ARHGAP15: variants seen among roughly 807,000 people sequenced by gnomAD.
The protein encoded by ARHGAP15 is rho GTPase-activating protein 15.
Under a neutral mutation model 63.7 loss-of-function variants are expected in ARHGAP15, and 51 were observed. That is an observed-to-expected ratio of 0.80 (90% confidence interval 0.64 to 1.01). ARHGAP15 has a LOEUF of 1.01. ARHGAP15 is among the 50% of genes least tolerant of loss of function. The probability of loss-of-function intolerance (pLI) is 0.00; values close to 1 mark genes in which losing one functional copy is unlikely to be tolerated. For missense variants in ARHGAP15, 560 were observed against 564.6 expected (o/e 0.99, Z 0.08); for synonymous variants, 191 against 193.8 (o/e 0.99, Z 0.12).
At chr2:143,601,204 T>G (rs985820440) in intron 11 of ARHGAP15, among the ~76,000 whole-genome samples, 1 of 152,096 alleles carries the variant, frequency 6.6e-6, no homozygotes, top group Non-Finnish European at 1.5e-5. Flanking sequence ...TCTTCATACT[T>G]TTTTTTACAA....
chr2:143,714,048 G>A lies in ARHGAP15; in HGVS notation c.1244+10524G>A, dbSNP rs376764928. Among the ~76,000 whole-genome samples, 5 of 152,332 alleles carry A rather than the reference G, an allele frequency of 3.3e-5. No individual in the cohort carries two copies. The East Asian group carries it at 5.8e-4, about 18-fold the overall frequency. On this transcript the variant is annotated intron_variant, in intron 13 of 13. Coordinates refer to ENST00000295095, the MANE Select transcript of ARHGAP15 (RefSeq NM_018460.4). Reference sequence around the variant, plus strand: ...CAGTGCCCCAGAAGGGACTCTGTGTGGGGACTCTGACCCCACATTTCCCTT... The same window carrying A: ...CAGTGCCCCAGAAGGGACTCTGTGTAGGGACTCTGACCCCACATTTCCCTT...
intron 10 of ARHGAP15, among the ~76,000 whole-genome samples, chr2:143,546,983 C>A (rs186902580): frequency 6.6e-6 from 1 of 152,194 alleles, no homozygotes; most frequent in South Asian, 2.1e-4. Flanking sequence ...GTTTCCCAAT[C>A]TCCAGAAATC....
chr2:143,367,552 G>T (rs754049535), intron 6 of ARHGAP15, among the ~76,000 whole-genome samples: 1 of 151,844 alleles, frequency 6.6e-6, no homozygotes, highest in East Asian at 1.9e-4. Context: ...TAACTAAATG[G>T]CATTCATTGC....
intron 9 of ARHGAP15, among the ~76,000 whole-genome samples, chr2:143,512,733 G>T (rs1375721398): frequency 1.3e-5 from 2 of 152,226 alleles, no homozygotes; most frequent in Non-Finnish European, 1.5e-5. Context: ...TCATGACATG[G>T]GTATGGCAAG....
At chr2:143,386,261 G>GA (rs1260977617) in intron 6 of ARHGAP15, among the ~76,000 whole-genome samples, 1 of 151,666 alleles carries the variant, frequency 6.6e-6, no homozygotes, top group Non-Finnish European at 1.5e-5. Context: ...TTTTTCCAAG[G>GA]AAAAAAATGT....
At chr2:143,688,149 A>AAT (rs1487114373) in intron 12 of ARHGAP15, among the ~76,000 whole-genome samples, 3 of 152,168 alleles carry the variant, frequency 2.0e-5, no homozygotes, top group Non-Finnish European at 4.4e-5. Context: ...ATTCATATGT[A>AAT]ATACCTAATT....
intron 10 of ARHGAP15, among the ~76,000 whole-genome samples, chr2:143,545,056 T>G (rs972903323): frequency 6.6e-6 from 1 of 152,236 alleles, no homozygotes; most frequent in African/African-American, 2.4e-5. Context: ...AGCAATAAGC[T>G]GAAAAGAACC....
At chr2:143,724,797 A>G (rs1685209629) in intron 13 of ARHGAP15, among the ~76,000 whole-genome samples, 1 of 152,236 alleles carries the variant, frequency 6.6e-6, no homozygotes, top group Admixed American at 6.5e-5. Flanking sequence ...AGCAAAGGAA[A>G]AAAATGTAGA....
intron 10 of ARHGAP15, among the ~76,000 whole-genome samples, chr2:143,544,843 C>G (rs1037177841): frequency 3.3e-5 from 5 of 152,180 alleles, no homozygotes; most frequent in African/African-American, 1.2e-4. Flanking sequence ...AGTCCCACCT[C>G]TCTGTGGAGC....
chr2:143,505,166 A>G (rs1435058688), intron 9 of ARHGAP15, among the ~76,000 whole-genome samples: 1 of 152,186 alleles, frequency 6.6e-6, no homozygotes. Context: ...TGTTTTACCA[A>G]CTAATATCAG....
chr2:143,358,576 A>G (rs1273421080), intron 6 of ARHGAP15, among the ~76,000 whole-genome samples: 1 of 151,526 alleles, frequency 6.6e-6, no homozygotes, highest in East Asian at 1.9e-4. Context: ...AAAGGCACTT[A>G]TTTTCTTTAC....
intron 6 of ARHGAP15, among the ~76,000 whole-genome samples, chr2:143,276,027 C>A (rs549727861): frequency 2.6e-5 from 4 of 152,298 alleles, no homozygotes; most frequent in Admixed American, 1.3e-4. Context: ...ACAACAAGTT[C>A]TTTCATGAAC....
At chr2:143,310,670 G>A (rs141270703) in intron 6 of ARHGAP15, among the ~76,000 whole-genome samples, 2,329 of 152,036 alleles carry the variant, frequency 0.015, 25 homozygotes, top group Middle Eastern at 0.092. Context: ...TATAAAAAGT[G>A]TAGCTGCCTT....
At chr2:143,719,374 G>A (rs1011929542) in intron 13 of ARHGAP15, among the ~76,000 whole-genome samples, 1 of 152,186 alleles carries the variant, frequency 6.6e-6, no homozygotes, top group Non-Finnish European at 1.5e-5. Flanking sequence ...CTTACATAGT[G>A]AAAAGGCATG....
At chr2:143,544,415 G>A (rs1695236156) in intron 10 of ARHGAP15, among the ~76,000 whole-genome samples, 1 of 151,954 alleles carries the variant, frequency 6.6e-6, no homozygotes, top group African/African-American at 2.4e-5. Context: ...GTGTCATAAT[G>A]TTTTCATAAT....
intron 2 of ARHGAP15, among the ~76,000 whole-genome samples, chr2:143,167,665 C>T (rs966741169): frequency 6.6e-6 from 1 of 151,998 alleles, no homozygotes; most frequent in Non-Finnish European, 1.5e-5. Context: ...TTCACCTATG[C>T]TTCAGAGGCC....
At chr2:143,278,883 T>TG (rs397986105) in intron 6 of ARHGAP15, among the ~76,000 whole-genome samples, 16 of 150,754 alleles carry the variant, frequency 1.1e-4, no homozygotes, top group Non-Finnish European at 2.2e-4. Flanking sequence ...TTTTTTTTTT[T>TG]GGCCAGGCTA....
At chr2:143,436,885 A>T (rs1689635992) in intron 7 of ARHGAP15, 28 bp from the exon 8 acceptor site, 1 of 1,590,454 alleles carries the variant, frequency 6.3e-7, no homozygotes, top group Non-Finnish European at 8.5e-7. Flanking sequence ...TAGTAAAATT[A>T]TTCAGTCTAA....
intron 5 of ARHGAP15, among the ~76,000 whole-genome samples, chr2:143,244,365 G>T (rs190667365): frequency 1.3e-5 from 2 of 152,278 alleles, no homozygotes; most frequent in Admixed American, 1.3e-4. Context: ...ATGGTGGAAG[G>T]AGTGAGTGAC....
Sources: allele counts gnomAD v4.1 joint callset (sites outside exome capture counted in the v4.1 genomes callset), GRCh38; gene constraint gnomAD v4.1.1; transcripts MANE v1.5; gene names NCBI Gene and HGNC (gene_info 2026-07-23, HGNC 2026-07-21).